Variants in FER1L6 observed in about 807,000 individuals in gnomAD.
FER1L6 encodes the protein fer-1-like protein 6.
Under a neutral mutation model 219.2 loss-of-function variants are expected in FER1L6, and 177 were observed. The observed-to-expected ratio is 0.81, with a 90% confidence interval of 0.71 to 0.91. The LOEUF is 0.91. Ranked by LOEUF, FER1L6 falls within the 40% of genes least tolerant of loss-of-function variation. The pLI is 0.00. For missense variants in FER1L6, 2,153 were observed against 2,259.9 expected, an observed-to-expected ratio of 0.95 and a Z score of 0.96; for synonymous variants, 768 against 824.3, an observed-to-expected ratio of 0.93 and a Z score of 1.17.
chr8:123,977,044 T>A (rs1816106887), intron 9 of FER1L6, among the ~76,000 whole-genome samples: 1 of 152,224 alleles, frequency 6.6e-6, no homozygotes. Flanking sequence ...ATCACCTCCA[T>A]TTTATGACAA....
intron 20 of FER1L6, among the ~76,000 whole-genome samples, chr8:124,041,736 G>A (rs1472378926): frequency 6.6e-6 from 1 of 152,200 alleles, no homozygotes; most frequent in African/African-American, 2.4e-5. Flanking sequence ...TTCAGTGACT[G>A]AGCATAAAAA....
At chr8:124,037,632 C>A (rs1035793569) in intron 19 of FER1L6, among the ~76,000 whole-genome samples, 1 of 152,158 alleles carries the variant, frequency 6.6e-6, no homozygotes, top group Admixed American at 6.5e-5. Flanking sequence ...AAATCCTTTG[C>A]AGGATTAGAG....
intron 16 of FER1L6, among the ~76,000 whole-genome samples, chr8:124,020,592 A>G (rs1162681887): frequency 6.6e-6 from 1 of 152,106 alleles, no homozygotes; most frequent in East Asian, 1.9e-4. Flanking sequence ...TTCTCATACG[A>G]TGTCTTCTTG....
chr8:123,932,399 G>A (rs1813806864), intron 1 of FER1L6, among the ~76,000 whole-genome samples: 4 of 152,182 alleles, frequency 2.6e-5, no homozygotes, highest in Admixed American at 1.3e-4. Context: ...GTGAGCCACC[G>A]TGCCAGGCTC....
intron 39 of FER1L6, among the ~76,000 whole-genome samples, chr8:124,104,673 T>C (rs551343359): frequency 4.6e-5 from 7 of 152,306 alleles, no homozygotes; most frequent in Non-Finnish European, 8.8e-5. Context: ...AAGTCCAAAC[T>C]CTTATCCTTT....
chr8:123,947,233 AAG>A (rs1324691868), intron 1 of FER1L6, among the ~76,000 whole-genome samples: 3 of 151,676 alleles, frequency 2.0e-5, no homozygotes, highest in African/African-American at 7.3e-5. Flanking sequence ...GCAACAGAGC[AAG>A]ACTCAGTCTA....
chr8:123,865,626 C>T (rs1205942758), intron 1 of FER1L6, among the ~76,000 whole-genome samples: 1 of 151,302 alleles, frequency 6.6e-6, no homozygotes, highest in Non-Finnish European at 1.5e-5. Context: ...TGCTAGCAAT[C>T]AGCGAGATTC....
At chr8:124,060,325 G>T in intron 23 of FER1L6, 35 bp downstream of exon 23, 1 of 1,593,656 alleles carries the variant, frequency 6.3e-7, no homozygotes, top group Non-Finnish European at 8.6e-7. Flanking sequence ...TTGTTCTTTG[G>T]CACTCAAGGG....
intron 7 of FER1L6, among the ~76,000 whole-genome samples, 187 bp downstream of exon 7, chr8:123,973,699 A>G (rs1370187259): frequency 6.6e-6 from 1 of 152,204 alleles, no homozygotes; most frequent in Non-Finnish European, 1.5e-5. Flanking sequence ...AAATTATTTT[A>G]TATGTCTACT....
chr8:124,108,240 A>T (rs1273205955), intron 39 of FER1L6, among the ~76,000 whole-genome samples: 1 of 152,154 alleles, frequency 6.6e-6, no homozygotes, highest in Non-Finnish European at 1.5e-5. Flanking sequence ...TTAATAAGAA[A>T]AACCATCTTG....
At chr8:124,026,716 T>G (rs200594413) in intron 18 of FER1L6, among the ~76,000 whole-genome samples, 1 of 151,714 alleles carries the variant, frequency 6.6e-6, no homozygotes, top group East Asian at 1.9e-4. Flanking sequence ...TGTGATTTTT[T>G]TTTTTAAATG....
At chr8:124,104,199 G>C (rs1822664922) in intron 39 of FER1L6, among the ~76,000 whole-genome samples, 2 of 152,178 alleles carry the variant, frequency 1.3e-5, no homozygotes, top group African/African-American at 4.8e-5. Context: ...GAGGTTGCTG[G>C]AGAGGCTCCA....
chr8:123,906,744 G>A (rs1812959985), intron 1 of FER1L6, among the ~76,000 whole-genome samples: 1 of 150,774 alleles, frequency 6.6e-6, no homozygotes, highest in South Asian at 2.1e-4. Context: ...AAGTTGCAGT[G>A]AACCAAGATC....
chr8:124,001,556 C>A (rs1414154872), intron 12 of FER1L6, among the ~76,000 whole-genome samples: 1 of 152,196 alleles, frequency 6.6e-6, no homozygotes, highest in East Asian at 1.9e-4. Flanking sequence ...AGGACTCAAA[C>A]AAAACCTGCT....
chr8:124,118,205 T>C (rs373081544), intron 39 of FER1L6, among the ~76,000 whole-genome samples: 1 of 152,206 alleles, frequency 6.6e-6, no homozygotes, highest in East Asian at 1.9e-4. Context: ...GCGGGGGTCC[T>C]ATCTCACCCT....
intron 22 of FER1L6, among the ~76,000 whole-genome samples, chr8:124,058,171 T>A (rs1427684847): frequency 6.6e-6 from 1 of 152,092 alleles, no homozygotes; most frequent in Non-Finnish European, 1.5e-5. Context: ...TGAGCATCAG[T>A]GATTTTTCAG....
chr8:124,011,123 T>C (rs1464695276), intron 14 of FER1L6, among the ~76,000 whole-genome samples: 1 of 152,162 alleles, frequency 6.6e-6, no homozygotes, highest in African/African-American at 2.4e-5. Flanking sequence ...AGCCCCATCT[T>C]TCCTAAGTTC....
At position 123,906,217 on chromosome 8, in the gene FER1L6, A is replaced by G. The variant is rs924803036; in HGVS notation, c.-7-49775A>G. ...AACTTCAGATTCAAAGCCTTGGTTG[A>G]ATCTTGGCCAACCTTCAGTTGGCCA... is the stretch of plus-strand genomic sequence containing the variant. On this transcript the variant is annotated intron_variant, in intron 1 of 40. Coordinates refer to ENST00000522917, the MANE Select transcript of FER1L6 (RefSeq NM_001039112.2). Among the ~76,000 whole-genome samples, 4 of 152,312 alleles carry G rather than the reference A, an allele frequency of 2.6e-5. No homozygotes were observed. The East Asian group carries it at 7.7e-4, about 29-fold the overall frequency.
In FER1L6 at chr8:123,852,974, A is replaced by G. The variant is rs148108696; in HGVS notation, c.-8+789A>G. On this transcript the variant is annotated intron_variant, in intron 1 of 40. Coordinates refer to ENST00000522917, the MANE Select transcript of FER1L6 (RefSeq NM_001039112.2). The surrounding 1 kb of genome is among the most constrained non-coding windows in gnomAD (Gnocchi z 4.9). ...TGAAATATGTATTAGATATAGATGTATTCTATGTGTCTATTTAGCTACCTA... is the reference window on the plus strand; with the variant it reads ...TGAAATATGTATTAGATATAGATGTGTTCTATGTGTCTATTTAGCTACCTA... Among the ~76,000 whole-genome samples, 6 of 152,248 alleles carry G rather than the reference A, an allele frequency of 3.9e-5. No homozygotes were observed. In the East Asian group the frequency reaches 1.2e-3, roughly 29 times the overall value.
Sources: allele counts gnomAD v4.1 joint callset (sites outside exome capture counted in the v4.1 genomes callset), GRCh38; gene constraint gnomAD v4.1.1; non-coding constraint Gnocchi (gnomAD v3.1); transcripts MANE v1.5; gene names NCBI Gene and HGNC (gene_info 2026-07-23, HGNC 2026-07-21).